The following VPS41 variants were observed in gnomAD, a reference collection of about 807,000 sequenced individuals.
The protein encoded by VPS41 is VPS41 subunit of HOPS complex, also known as vacuolar protein sorting-associated protein 41 homolog.
A neutral mutation model predicts 130.9 loss-of-function variants in VPS41; 85 were observed. The observed-to-expected ratio is 0.65, with a 90% CI of 0.55 to 0.78. VPS41 has a LOEUF of 0.78. Among genes scored for constraint, VPS41 ranks in the 30% least tolerant of loss-of-function variants. The pLI is 0.00. For synonymous variants in VPS41, 335 were observed against 332.9 expected, an observed-to-expected ratio of 1.01 and a Z score of -0.07; for missense variants, 874 against 1,018.7, an observed-to-expected ratio of 0.86 and a Z score of 1.93.
At position 38,762,265 on chromosome 7, in the gene VPS41, C is replaced by T. The variant is rs927674663; in HGVS notation, c.1422+1190G>A. Among the ~76,000 whole-genome samples, 3 of 152,142 alleles carry T rather than the reference C, an allele frequency of 2.0e-5. No homozygotes were observed. The East Asian group carries it at 5.8e-4, about 29-fold the overall frequency. On this transcript the variant is annotated intron_variant, in intron 17 of 28. Transcript: ENST00000310301. ...TATTACTAATTAGAGGACACAGGAA[C>T]AAGGGACCTGTTATGATTGAATGAG...
intron 22 of VPS41, among the ~76,000 whole-genome samples, chr7:38,751,627 T>G (rs554920435): frequency 3.3e-5 from 5 of 152,200 alleles, no homozygotes; most frequent in Non-Finnish European, 7.3e-5. Flanking sequence ...GACAAATTCC[T>G]TGTCTTTGAA....
chr7:38,834,411 A>G (rs1785450269), intron 4 of VPS41, among the ~76,000 whole-genome samples: 1 of 152,236 alleles, frequency 6.6e-6, no homozygotes, highest in South Asian at 2.1e-4. Context: ...ATTCCTGACA[A>G]GTATTGTGTG....
intron 2 of VPS41, among the ~76,000 whole-genome samples, chr7:38,896,296 G>C (rs1324828655): frequency 2.6e-5 from 4 of 152,152 alleles, no homozygotes; most frequent in African/African-American, 9.7e-5. Context: ...AACCTAAAAT[G>C]CTTTTCAATA....
intron 14 of VPS41, among the ~76,000 whole-genome samples, chr7:38,770,138 G>A (rs1003628394): frequency 4.6e-5 from 7 of 152,112 alleles, no homozygotes; most frequent in East Asian, 1.9e-4. Flanking sequence ...GTGTGGTGGC[G>A]CATGCCTGTA....
chr7:38,825,788 G>A lies in VPS41; in HGVS notation c.321+4466C>T, dbSNP rs1326511799. Among the ~76,000 whole-genome samples, 12 of 152,250 alleles carry A rather than the reference G, an allele frequency of 7.9e-5. No homozygotes were observed. In the East Asian group the frequency reaches 1.5e-3, roughly 20 times the overall value. ...GTATGTGGTACATGTTTTGTTACCC[G>A]AAATAGAGGAAACCTACCCTCATGA... On this transcript the variant is annotated intron_variant, in intron 5 of 28. Coordinates refer to ENST00000310301, the MANE Select transcript of VPS41 (RefSeq NM_014396.4).
intron 22 of VPS41, chr7:38,746,029 T>G: frequency 5.9e-6 from 1 of 170,656 alleles, no homozygotes; most frequent in Non-Finnish European, 1.2e-5. Context: ...GGTTGAACTT[T>G]TCCTAGTATT....
At chr7:38,796,535 G>T (rs1008661613) in intron 8 of VPS41, 1 of 714,292 alleles carries the variant, frequency 1.4e-6, no homozygotes, top group African/African-American at 1.8e-5. Flanking sequence ...CTCTAAAATA[G>T]ATTCCAGAAT....
chr7:38,859,680 C>T (rs1051625575), intron 4 of VPS41, among the ~76,000 whole-genome samples: 2 of 152,104 alleles, frequency 1.3e-5, no homozygotes, highest in African/African-American at 4.8e-5. Flanking sequence ...TAAGTAGAGG[C>T]TATGATGTCT....
intron 2 of VPS41, among the ~76,000 whole-genome samples, chr7:38,883,408 T>C (rs932509683): frequency 6.6e-6 from 1 of 152,138 alleles, no homozygotes. Context: ...GGCACAGTGT[T>C]TGCTCTTCCT....
At chr7:38,727,439 CA>C (rs1310390373) in intron 27 of VPS41, among the ~76,000 whole-genome samples, 1 of 152,214 alleles carries the variant, frequency 6.6e-6, no homozygotes, top group African/African-American at 2.4e-5. Flanking sequence ...CATTTTACTG[CA>C]CTTGTGCTTG....
chr7:38,858,279 GCTAT>G, intron 4 of VPS41, among the ~76,000 whole-genome samples: 1 of 152,304 alleles, frequency 6.6e-6, no homozygotes, highest in East Asian at 1.9e-4. Flanking sequence ...TTCAGGGCTT[GCTAT>G]CTGTCATGTG....
intron 21 of VPS41, among the ~76,000 whole-genome samples, chr7:38,753,855 C>T (rs1206410374): frequency 6.6e-6 from 1 of 152,140 alleles, no homozygotes; most frequent in East Asian, 1.9e-4. Flanking sequence ...CTGCAGTCTT[C>T]AAAAGCTTCA....
intron 4 of VPS41, among the ~76,000 whole-genome samples, chr7:38,850,328 T>A (rs541867687): frequency 6.0e-4 from 92 of 152,372 alleles, no homozygotes; most frequent in African/African-American, 2.1e-3. Flanking sequence ...GGGCATTTGA[T>A]GTTCTTCTGA....
At chr7:38,782,428 G>A (rs1439730583) in intron 10 of VPS41, among the ~76,000 whole-genome samples, 3 of 152,156 alleles carry the variant, frequency 2.0e-5, no homozygotes, top group Non-Finnish European at 4.4e-5. Context: ...CCATTAATTT[G>A]TGTCTTGGGG....
intron 7 of VPS41, among the ~76,000 whole-genome samples, chr7:38,813,844 A>G (rs1784990013): frequency 6.6e-6 from 1 of 152,136 alleles, no homozygotes; most frequent in South Asian, 2.1e-4. Flanking sequence ...TATGCTTGGA[A>G]CGAGATGTCA....
intron 25 of VPS41, among the ~76,000 whole-genome samples, chr7:38,730,388 C>A (rs992797501): frequency 6.6e-6 from 1 of 152,124 alleles, no homozygotes; most frequent in Non-Finnish European, 1.5e-5. Context: ...AGCCTTTTTC[C>A]CCTAATTATA....
At chr7:38,735,906 TG>T (rs1396345311) in intron 25 of VPS41, among the ~76,000 whole-genome samples, 1 of 152,052 alleles carries the variant, frequency 6.6e-6, no homozygotes, top group Non-Finnish European at 1.5e-5. Flanking sequence ...AAGGGGCAGT[TG>T]GGAGGAACAG....
intron 9 of VPS41, among the ~76,000 whole-genome samples, chr7:38,793,870 G>A (rs906725281): frequency 2.0e-5 from 3 of 151,864 alleles, no homozygotes; most frequent in Admixed American, 6.6e-5. Context: ...AAAGATAAAC[G>A]TGATTGCATT....
intron 25 of VPS41, among the ~76,000 whole-genome samples, chr7:38,730,299 T>G (rs1366454019): frequency 6.6e-6 from 1 of 152,234 alleles, no homozygotes; most frequent in Non-Finnish European, 1.5e-5. Flanking sequence ...AGCAGCCAAC[T>G]GCAGCCCTCT....
Sources: gnomAD v4.1 joint callset for allele counts (sites outside exome capture counted in the v4.1 genomes callset) on GRCh38, gnomAD v4.1.1 for gene constraint, MANE v1.5 for transcripts, NCBI Gene and HGNC (gene_info 2026-07-23, HGNC 2026-07-21) for gene names.